PDGFC: variants seen among roughly 807,000 people sequenced by gnomAD.
The protein encoded by PDGFC is platelet-derived growth factor C.
Under a neutral mutation model 35.5 loss-of-function variants are expected in PDGFC, and 12 were observed. The ratio of observed to expected loss-of-function variants is 0.34; its 90% CI spans 0.22 to 0.55. PDGFC has a LOEUF of 0.55. PDGFC is among the 20% of genes least tolerant of loss of function. The probability of loss-of-function intolerance (pLI) is 0.91; values close to 1 mark genes in which losing one functional copy is unlikely to be tolerated. For missense variants in PDGFC, 322 were observed against 412.4 expected (o/e 0.78, Z 1.90); for synonymous variants, 159 against 148.8 (o/e 1.07, Z -0.50).
chr4:156,783,762 T>G (rs1383496448), intron 3 of PDGFC, among the ~76,000 whole-genome samples: 2 of 152,194 alleles, frequency 1.3e-5, no homozygotes, highest in Non-Finnish European at 2.9e-5. Flanking sequence ...TCCAATAGTA[T>G]TCAGGATCTG....
Position 156,763,052 on chromosome 4 carries a change from T to TGCACA in PDGFC, c.*33_*37dup, listed in dbSNP as rs1490494238. On this transcript the variant is annotated 3_prime_UTR_variant, in exon 6 of 6. Coordinates refer to ENST00000502773, the MANE Select transcript of PDGFC (RefSeq NM_016205.3). ...TCTCTAATAGAATCAGCCACTGCAC[T>TGCACA]GCACAGCTCTGGGCAAGAGCTGCTG... The TGCACA allele has an allele frequency of 9.5e-7, 1 of 1,054,274 alleles. No homozygotes were observed. Among genetic ancestry groups the TGCACA allele is most frequent in the African/African-American group, 1.6e-5 (1 of 64,262 alleles). The allele number at this position is 1,054,274 out of a possible 1,614,324, so 65.3% of individuals were successfully genotyped here.
At chr4:156,856,148 C>A (rs1323864222) in intron 1 of PDGFC, among the ~76,000 whole-genome samples, 1 of 152,072 alleles carries the variant, frequency 6.6e-6, no homozygotes, top group African/African-American at 2.4e-5. Context: ...AACAACAAAG[C>A]TAGTGTTGGT....
At chr4:156,763,624 T>C (rs1241163485) in intron 5 of PDGFC, among the ~76,000 whole-genome samples, 1 of 152,226 alleles carries the variant, frequency 6.6e-6, no homozygotes, top group African/African-American at 2.4e-5. Context: ...TTATACTTGA[T>C]GCAATACACT....
intron 1 of PDGFC, among the ~76,000 whole-genome samples, chr4:156,897,350 A>ATGTGTGTGTG (rs70956698): frequency 0.14 from 20,663 of 142,896 alleles, 1,602 homozygotes; most frequent in Admixed American, 0.23. Flanking sequence ...GTGAGAGTGT[A>ATGTGTGTGTG]TGTGTGTGTG....
chr4:156,931,465 A>C (rs1731548551), intron 1 of PDGFC, among the ~76,000 whole-genome samples: 1 of 152,214 alleles, frequency 6.6e-6, no homozygotes, highest in Non-Finnish European at 1.5e-5. Flanking sequence ...CTTGACAATC[A>C]CAGAGCTGGC....
At chr4:156,789,393 T>G (rs1344976385) in intron 3 of PDGFC, among the ~76,000 whole-genome samples, 4 of 152,230 alleles carry the variant, frequency 2.6e-5, no homozygotes, top group African/African-American at 9.6e-5. Context: ...AAATTTTACT[T>G]AAGATGATAG....
intron 5 of PDGFC, among the ~76,000 whole-genome samples, chr4:156,763,588 CATTT>C: frequency 6.6e-6 from 1 of 152,108 alleles, no homozygotes; most frequent in East Asian, 1.9e-4. Flanking sequence ...TTCATTCATT[CATTT>C]ATTCACACAT....
intron 3 of PDGFC, among the ~76,000 whole-genome samples, chr4:156,810,452 C>T (rs1226411371): frequency 2.0e-5 from 3 of 151,932 alleles, no homozygotes; most frequent in Non-Finnish European, 4.4e-5. Context: ...TCTATTATTA[C>T]TAAATGAATA....
At chr4:156,884,916 T>C (rs1171974335) in intron 1 of PDGFC, among the ~76,000 whole-genome samples, 1 of 152,176 alleles carries the variant, frequency 6.6e-6, no homozygotes, top group Admixed American at 6.5e-5. Flanking sequence ...ATATACAACA[T>C]GGCATCCAGT....
chr4:156,819,495 A>G (rs1732188424), intron 2 of PDGFC, among the ~76,000 whole-genome samples: 3 of 152,212 alleles, frequency 2.0e-5, no homozygotes, highest in East Asian at 1.9e-4. Context: ...TGCTGTATCA[A>G]TGGAACAACA....
At chr4:156,895,490 G>C (rs1030757522) in intron 1 of PDGFC, among the ~76,000 whole-genome samples, 8 of 151,822 alleles carry the variant, frequency 5.3e-5, no homozygotes, top group African/African-American at 1.7e-4. Context: ...AAATTAGCCG[G>C]GTGTTGTGGT....
intron 1 of PDGFC, among the ~76,000 whole-genome samples, chr4:156,911,520 G>A (rs992625678): frequency 1.3e-5 from 2 of 151,968 alleles, no homozygotes; most frequent in African/African-American, 4.8e-5. Context: ...TAAAGGTTGT[G>A]CAGGGCTTAT....
In PDGFC at chr4:156,772,839, C is replaced by G; in HGVS notation, c.550G>C (p.Asp184His). Residue 184 changes from aspartate to histidine, a missense_variant, in exon 4 of 6, where the codon GAC (aspartate) becomes CAC (histidine). Asp to His is a moderately conservative substitution (Grantham distance 81). Transcript: ENST00000502773. Reference protein sequence around the residue: ...SVLPPSALPLDLLNNAITAFS... With the variant: ...SVLPPSALPLHLLNNAITAFS... ...GCAGTTATAGCATTATTAAGCAGGT[C>G]CAGTGGCAAAGCTGAAGGGGGTAGC... The G allele has an allele frequency of 6.2e-7, 1 of 1,613,424 alleles. No individual in the cohort carries two copies. The highest frequency in any genetic ancestry group is 8.5e-7 in the Non-Finnish European group (1 of 1,179,448).
intron 1 of PDGFC, among the ~76,000 whole-genome samples, chr4:156,942,390 T>C (rs1017114561): frequency 1.3e-5 from 2 of 152,022 alleles, no homozygotes; most frequent in Non-Finnish European, 2.9e-5. Flanking sequence ...ATTTAACAGG[T>C]GGCAGCTCTA....
intron 1 of PDGFC, among the ~76,000 whole-genome samples, chr4:156,892,008 G>A (rs1330124940): frequency 6.6e-6 from 1 of 152,196 alleles, no homozygotes; most frequent in Non-Finnish European, 1.5e-5. Flanking sequence ...TGCTGGTTGT[G>A]TATCAAACCA....
intron 3 of PDGFC, among the ~76,000 whole-genome samples, chr4:156,800,601 G>A (rs181080378): frequency 6.6e-6 from 1 of 152,286 alleles, no homozygotes; most frequent in Admixed American, 6.5e-5. Flanking sequence ...TCTCAAATGT[G>A]TGGATCATAT....
intron 2 of PDGFC, among the ~76,000 whole-genome samples, chr4:156,838,466 A>G (rs1485995888): frequency 6.6e-6 from 1 of 152,238 alleles, no homozygotes; most frequent in Non-Finnish European, 1.5e-5. Flanking sequence ...TCTCTTTCAA[A>G]GATCATTTAA....
intron 1 of PDGFC, among the ~76,000 whole-genome samples, chr4:156,877,527 A>G (rs961741134): frequency 6.6e-6 from 1 of 152,300 alleles, no homozygotes; most frequent in African/African-American, 2.4e-5. Flanking sequence ...TCCATTCCAA[A>G]TCAAGCAAAA....
intron 1 of PDGFC, among the ~76,000 whole-genome samples, chr4:156,932,920 CACACACACACAA>C: frequency 6.6e-6 from 1 of 151,550 alleles, no homozygotes; most frequent in African/African-American, 2.4e-5. Context: ...AAGTTTCTAA[CACACACACACAA>C]ACACACACAC....
Sources: allele counts gnomAD v4.1 joint callset (sites outside exome capture counted in the v4.1 genomes callset), GRCh38; gene constraint gnomAD v4.1.1; transcripts MANE v1.5; gene names NCBI Gene and HGNC (gene_info 2026-07-23, HGNC 2026-07-21).